CC2D1A: variants seen among roughly 807,000 people sequenced by gnomAD.
CC2D1A encodes coiled-coil and C2 domain containing 1A, also known as coiled-coil and C2 domain-containing protein 1A.
Under a neutral mutation model 123.8 loss-of-function variants are expected in CC2D1A, and 68 were observed. The ratio of observed to expected loss-of-function variants is 0.55; its 90% CI spans 0.45 to 0.67. The LOEUF is 0.67. CC2D1A is among the 30% of genes least tolerant of loss of function. The pLI is 0.00. For missense variants in CC2D1A, 1,185 were observed against 1,290.3 expected, an observed-to-expected ratio of 0.92 and a Z score of 1.25; for synonymous variants, 477 against 528.0, an observed-to-expected ratio of 0.90 and a Z score of 1.32.
chr19:13,916,212 A>C (rs1470695498), intron 6 of CC2D1A, among the ~76,000 whole-genome samples: 1 of 152,040 alleles, frequency 6.6e-6, no homozygotes, highest in Non-Finnish European at 1.5e-5. Flanking sequence ...AGCCACGATC[A>C]CACCACTGCA....
Position 13,927,430 on chromosome 19 carries a change from C to T in CC2D1A, c.2316+165C>T, listed in dbSNP as rs1971682930. The T allele has an allele frequency of 1.1e-5, 7 of 618,214 alleles. 1 individual carries two copies. The highest frequency in any genetic ancestry group is 1.1e-4 in the South Asian group (6 of 53,936). The allele number at this position is 618,214 out of a possible 1,614,324, so 38.3% of individuals were successfully genotyped here. A position where few individuals can be genotyped will look rare whatever the true frequency, so the allele number is the denominator to read the frequency against. ...TGCCCAGCCCTAAATACTTGCAGTA[C>T]CCCACTCCATTATGATCAACTGGTA... On this transcript the variant is annotated intron_variant, in intron 22 of 28. Coordinates refer to ENST00000318003, the MANE Select transcript of CC2D1A (RefSeq NM_017721.5).
At chr19:13,921,029 T>A in intron 14 of CC2D1A, 107 bp downstream of exon 14, 1 of 1,079,684 alleles carries the variant, frequency 9.3e-7, no homozygotes, top group Non-Finnish European at 1.3e-6. Flanking sequence ...CCAGCTGCTG[T>A]AACAAATAGG....
At chr19:13,920,716 T>G (rs1454299338) in intron 13 of CC2D1A, 34 bp from the exon 14 acceptor site, 3 of 1,611,924 alleles carry the variant, frequency 1.9e-6, no homozygotes, top group Non-Finnish European at 2.5e-6. Context: ...GGCTGTGGCC[T>G]GGGCAGCACC....
intron 12 of CC2D1A, chr19:13,920,237 C>T: frequency 3.9e-6 from 2 of 515,050 alleles, no homozygotes; most frequent in Non-Finnish European, 6.8e-6. Flanking sequence ...GGTGACAGAG[C>T]AAGACCTCAT....
At position 13,926,677 on chromosome 19, in the gene CC2D1A, T is replaced by C; in HGVS notation, c.2025T>C (p.Pro675=). Residue 675 remains proline (P), a synonymous_variant, in exon 19 of 29, where the codon CCT becomes CCC. Transcript: ENST00000318003. ...GTTGTTTGCCCACAGGACTGTCCCCTGGCGATCTGGATGTCTTTGTTCGGT... is the reference window on the plus strand; with the variant it reads ...GTTGTTTGCCCACAGGACTGTCCCCCGGCGATCTGGATGTCTTTGTTCGGT... ...INLPTPPGLS[P]GDLDVFVRFD... is the part of the protein sequence containing the mutation. The C allele has an allele frequency of 6.2e-7, 1 of 1,614,184 alleles. No homozygotes were observed.
At chr19:13,922,427 C>G (rs1179535590) in intron 14 of CC2D1A, among the ~76,000 whole-genome samples, 1 of 152,198 alleles carries the variant, frequency 6.6e-6, no homozygotes, top group Admixed American at 6.5e-5. Flanking sequence ...AATGCTTTTC[C>G]CACAGACACC....
chr19:13,926,790 C>T (rs1568419886), intron 19 of CC2D1A, 31 bp from the exon 20 acceptor site: 4 of 1,613,878 alleles, frequency 2.5e-6, no homozygotes, highest in Non-Finnish European at 3.4e-6. Flanking sequence ...TCCCAGGCCC[C>T]CTAGATTTCC....
At position 13,912,386 on chromosome 19, in the gene CC2D1A, A is replaced by G. The variant is rs1325384088; in HGVS notation, c.260A>G (p.Asp87Gly). The G allele has an allele frequency of 3.1e-6, 5 of 1,613,404 alleles. No homozygotes were observed. The African/African-American group carries it at 4.0e-5, about 13-fold the overall frequency. Residue 87 changes from aspartate to glycine, a missense_variant, in exon 3 of 29, where the codon GAT becomes GGT. By Grantham distance (94) the Asp-to-Gly change is moderately conservative. Transcript: ENST00000318003. ...CTGTGCATGAGAGACCCGGATGAGG[A>G]TGAGGAGGAGGGGACGGATGAGGAC... ...ASLCMRDPDE[D>G]EEEGTDEDDL...
At position 13,920,937 on chromosome 19, in the gene CC2D1A, C is replaced by T; in HGVS notation, c.1641+15C>T. On this transcript the variant is annotated intron_variant, in intron 14 of 28. Coordinates refer to ENST00000318003, the MANE Select transcript of CC2D1A (RefSeq NM_017721.5). ...ACATCACCAAGGTGAACCTTCTGGGCTTGTGGGAACTGCCCAGGCACCCAC... is the reference window on the plus strand; with the variant it reads ...ACATCACCAAGGTGAACCTTCTGGGTTTGTGGGAACTGCCCAGGCACCCAC... 1.9e-6 allele frequency: 3 copies of T among 1,599,874 alleles called. No individual in the cohort carries two copies. The Middle Eastern group carries it at 5.1e-4, about 271-fold the overall frequency.
chr19:13,918,876 C>T, intron 9 of CC2D1A, 36 bp from the exon 10 acceptor site: 2 of 1,608,110 alleles, frequency 1.2e-6, no homozygotes, highest in Non-Finnish European at 1.7e-6. Flanking sequence ...TCTACCCATC[C>T]GTTGACTCTT....
rs1321323559 is a variant in CC2D1A at position 13,919,201 on chromosome 19, A to G, written c.1221A>G (p.Pro407=). ...ATGTCGCTGAATTGCCCGTGCCCCC[A>G]GGTAGGCCTTGCCCCTGTAGGCCTC... ...AVDVAELPVP[P]GFPPIQGLEA... The change falls in exon 11 of 29, where the codon CCA becomes CCG. Residue 407 remains proline (P), a splice_region_variant and synonymous_variant. Coordinates refer to ENST00000318003, the MANE Select transcript of CC2D1A (RefSeq NM_017721.5). 4 of 1,611,344 alleles carry G rather than the reference A, an allele frequency of 2.5e-6. No individual in the cohort carries two copies. The highest frequency in any genetic ancestry group is 1.7e-5 in the Admixed American group (1 of 59,876).
chr19:13,909,807 C>T lies in CC2D1A; in HGVS notation c.61-16C>T, dbSNP rs910360276. Reference sequence around the variant, plus strand: ...GGTGAACCAAAGGTCTGACTGAACCCTTGCTGTTCCCCTAGCTGGGCCTGC... The same window carrying T: ...GGTGAACCAAAGGTCTGACTGAACCTTTGCTGTTCCCCTAGCTGGGCCTGC... On this transcript the variant is annotated splice_polypyrimidine_tract_variant and intron_variant, in intron 1 of 28. Coordinates refer to ENST00000318003, the MANE Select transcript of CC2D1A (RefSeq NM_017721.5). 3.2e-5 allele frequency: 51 copies of T among 1,596,252 alleles called. No individual in the cohort carries two copies. The highest frequency in any genetic ancestry group is 4.1e-5 in the Non-Finnish European group (48 of 1,167,406).
At chr19:13,925,989 C>CGTAT (rs1163076274) in intron 17 of CC2D1A, among the ~76,000 whole-genome samples, 1 of 57,302 alleles carries the variant, frequency 1.7e-5, no homozygotes, top group Non-Finnish European at 3.0e-5. Context: ...TATATATATA[C>CGTAT]ATATATGTGT....
intron 1 of CC2D1A, 23 bp from the exon 2 acceptor site, chr19:13,909,800 C>T: frequency 6.2e-7 from 1 of 1,601,498 alleles, no homozygotes; most frequent in Non-Finnish European, 8.5e-7. Flanking sequence ...AAAGGTCTGA[C>T]TGAACCCTTG....
rs553283320 is a variant in CC2D1A, at chr19:13,920,119, G to A, written c.1356+168G>A. 2.1e-5 allele frequency: 13 copies of A among 613,746 alleles called. No individual in the cohort carries two copies. In the African/African-American group the frequency reaches 2.4e-4, roughly 11 times the overall value. The allele number at this position is 613,746 out of a possible 1,614,324, so 38.0% of individuals were successfully genotyped here. ...TTTTAAAATTAGCCAGGCATGGTGG[G>A]ACTCACCTGTAGTCCCTGCTACTTG... On this transcript the variant is annotated intron_variant, in intron 12 of 28. Transcript: ENST00000318003.
chr19:13,918,762 C>T lies in CC2D1A; in HGVS notation c.963C>T (p.Asp321=), dbSNP rs758574171. The T allele has an allele frequency of 1.1e-4, 174 of 1,612,560 alleles. No homozygotes were observed. Among genetic ancestry groups the T allele is most frequent in the Non-Finnish European group, 1.4e-4 (168 of 1,179,400 alleles). ...TGTCCCCAGACCAGCTGCCCCCAGA[C>T]CCACCGTCACCACCGTCGCAGCCTC... The part of the protein sequence containing the change: ...LPPPPDQLPP[D]PPSPPSQPPT... The change falls in exon 9 of 29, where the codon GAC becomes GAT. Residue 321 remains aspartate, a synonymous_variant. Transcript: ENST00000318003.
chr19:13,911,548 T>A (rs1389092169), intron 2 of CC2D1A, among the ~76,000 whole-genome samples: 22 of 126,794 alleles, frequency 1.7e-4, no homozygotes, highest in Non-Finnish European at 3.2e-4. Flanking sequence ...TGTGTGTGTT[T>A]TTTTTTTTTT....
Position 13,928,042 on chromosome 19 carries a change from C to G in CC2D1A, c.2454+12C>G, listed in dbSNP as rs746991206. 11 of 1,610,932 alleles carry G rather than the reference C, an allele frequency of 6.8e-6. No individual in the cohort carries two copies. In the Admixed American group the frequency reaches 1.3e-4, roughly 20 times the overall value. The stretch of plus-strand genomic sequence containing the variant: ...CAGCTGTGCCCACAGTGAGACCCCC[C>G]ACCCCCACCCATCAGCAACCCCAGG... On this transcript the variant is annotated intron_variant, in intron 23 of 28. Transcript: ENST00000318003.
At position 13,907,565 on chromosome 19, in the gene CC2D1A, C is replaced by T. The variant is rs372940808; in HGVS notation, c.60+1064C>T. On this transcript the variant is annotated intron_variant, in intron 1 of 28. Transcript: ENST00000318003. The stretch of plus-strand genomic sequence containing the variant: ...GCGGGCACCTGTAATCCCAGCTACT[C>T]GGGAGGCTGAGGTGGGAGAATCGCT... Among the ~76,000 whole-genome samples the T allele has an allele frequency of 1.9e-3, 281 of 151,876 alleles. 1 individual carries two copies. The highest frequency in any genetic ancestry group is 6.4e-3 in the African/African-American group (264 of 41,410).
Sources: allele counts gnomAD v4.1 joint callset (sites outside exome capture counted in the v4.1 genomes callset), GRCh38; gene constraint gnomAD v4.1.1; transcripts MANE v1.5; gene names NCBI Gene and HGNC (gene_info 2026-07-23, HGNC 2026-07-21).